BIRC6: variants seen among roughly 807,000 people sequenced by gnomAD.
BIRC6 encodes the protein dual E2 ubiquitin-conjugating enzyme/E3 ubiquitin-protein ligase BIRC6.
A neutral mutation model predicts 503.3 loss-of-function variants in BIRC6; 98 were observed. That is an observed-to-expected ratio of 0.19 (90% CI 0.17 to 0.23). BIRC6 has a LOEUF of 0.23. BIRC6 is among the 10% of genes least tolerant of loss of function. The pLI is 1.00. For synonymous variants in BIRC6, 2,240 were observed against 2,078.7 expected (o/e 1.08, Z -2.11); for missense variants, 5,360 against 5,806.0 (o/e 0.92, Z 2.50).
intron 57 of BIRC6, among the ~76,000 whole-genome samples, chr2:32,519,769 C>T (rs1416654435): frequency 1.3e-5 from 2 of 152,152 alleles, no homozygotes; most frequent in Non-Finnish European, 2.9e-5. Context: ...CCGCCCACCT[C>T]GGCCTCCCAA....
At chr2:32,573,778 A>C (rs2060074771) in intron 65 of BIRC6, among the ~76,000 whole-genome samples, 1 of 152,204 alleles carries the variant, frequency 6.6e-6, no homozygotes, top group Admixed American at 6.5e-5. Flanking sequence ...GATTTATTGA[A>C]ATAGACTCTG....
intron 62 of BIRC6, among the ~76,000 whole-genome samples, chr2:32,545,188 C>T (rs989455819): frequency 1.3e-5 from 2 of 152,228 alleles, no homozygotes; most frequent in East Asian, 3.9e-4. Flanking sequence ...GCTTTCTTTG[C>T]ATTTAATACC....
chr2:32,541,087 A>G (rs1438208411), intron 61 of BIRC6, among the ~76,000 whole-genome samples: 1 of 152,012 alleles, frequency 6.6e-6, no homozygotes, highest in Non-Finnish European at 1.5e-5. Flanking sequence ...GTTTTGTGGC[A>G]TCATATGAGA....
At chr2:32,501,551 T>C (rs898128279) in intron 46 of BIRC6, among the ~76,000 whole-genome samples, 162 bp from the exon 47 acceptor site, 1 of 152,174 alleles carries the variant, frequency 6.6e-6, no homozygotes, top group Non-Finnish European at 1.5e-5. Flanking sequence ...TTCTATATTT[T>C]AATTATTATT....
At chr2:32,543,568 A>G in intron 62 of BIRC6, 27 bp downstream of exon 62, 1 of 1,597,710 alleles carries the variant, frequency 6.3e-7, no homozygotes, top group South Asian at 1.1e-5. Context: ...AAATTTATCA[A>G]CACATATGTG....
Position 32,465,095 on chromosome 2 carries a change from A to G in BIRC6, c.5287A>G (p.Ile1763Val), listed in dbSNP as rs767060649. ...NPLGSGLALA[I>V]SHASHFLQPP... ...ACTTGGTTCTGGTCTAGCCCTTGCA[A>G]TTTCTCATGCTTCACATTTTCTTCA... The change falls in exon 26 of 74, where the codon ATT becomes GTT. Residue 1763 changes from isoleucine to valine, a missense_variant. Transcript: ENST00000421745. 6 of 1,606,318 alleles carry G rather than the reference A, an allele frequency of 3.7e-6. No homozygotes were observed. Among genetic ancestry groups the G allele is most frequent in the Admixed American group, 1.7e-5 (1 of 59,494 alleles).
intron 3 of BIRC6, among the ~76,000 whole-genome samples, chr2:32,385,680 C>G (rs931317685): frequency 6.6e-6 from 1 of 152,190 alleles, no homozygotes; most frequent in Admixed American, 6.5e-5. Flanking sequence ...TGAAAGTGCT[C>G]TTAAGGTAAA....
At chr2:32,432,358 T>C (rs1407930869) in intron 12 of BIRC6, among the ~76,000 whole-genome samples, 3 of 152,108 alleles carry the variant, frequency 2.0e-5, no homozygotes, top group Admixed American at 6.5e-5. Context: ...GAGGCTGCAG[T>C]AAGCCAAGAT....
At chr2:32,413,715 GA>G (rs919447207) in intron 9 of BIRC6, among the ~76,000 whole-genome samples, 7 of 146,546 alleles carry the variant, frequency 4.8e-5, no homozygotes, top group African/African-American at 1.3e-4. Context: ...AAAAAAAAAA[GA>G]AAAAAAACAG....
chr2:32,432,187 A>G (rs1016337271), intron 12 of BIRC6, among the ~76,000 whole-genome samples: 9 of 152,118 alleles, frequency 5.9e-5, no homozygotes, highest in Non-Finnish European at 1.2e-4. Context: ...AAGCCAAGGC[A>G]GGTAAATCAG....
chr2:32,520,599 C>A (rs1301701206), intron 57 of BIRC6, among the ~76,000 whole-genome samples: 1 of 152,158 alleles, frequency 6.6e-6, no homozygotes, highest in Non-Finnish European at 1.5e-5. Flanking sequence ...AGGTGGATCA[C>A]CTCAGGTCAG....
intron 45 of BIRC6, among the ~76,000 whole-genome samples, chr2:32,496,679 T>A (rs1324357591): frequency 7.9e-5 from 12 of 152,240 alleles, no homozygotes. Context: ...TTGGCTGTTT[T>A]AATTCCATTC....
chr2:32,525,754 C>T, intron 59 of BIRC6, 126 bp downstream of exon 59: 1 of 879,380 alleles, frequency 1.1e-6, no homozygotes, highest in Non-Finnish European at 1.7e-6. Context: ...GTTAGTGAGA[C>T]TTCTTCCATA....
intron 43 of BIRC6, 146 bp downstream of exon 43, chr2:32,490,297 C>A: frequency 1.5e-6 from 1 of 664,150 alleles, no homozygotes; most frequent in East Asian, 2.8e-5. Flanking sequence ...CCTGTAAACC[C>A]AGCACTTTGG....
chr2:32,615,872 A>C (rs549227208), intron 73 of BIRC6, among the ~76,000 whole-genome samples: 1 of 152,190 alleles, frequency 6.6e-6, no homozygotes, highest in South Asian at 2.1e-4. Context: ...TGACCTCGTG[A>C]TCTGCCCGCC....
chr2:32,441,727 TCTATAGTCC>T (rs1288784529), intron 17 of BIRC6, among the ~76,000 whole-genome samples: 1 of 152,232 alleles, frequency 6.6e-6, no homozygotes, highest in East Asian at 1.9e-4. Flanking sequence ...GGAGCATGTA[TCTATAGTCC>T]TAGCTACTCA....
Position 32,406,480 on chromosome 2 carries a change from C to A in BIRC6, c.1419-19C>A. On this transcript the variant is annotated intron_variant, in intron 8 of 73. Transcript: ENST00000421745. ...CTTTTTTTGAAATTCAAATTGTTTA[C>A]TTTGTTTTTTGATTTAAGTGATGAT... 6.3e-7 allele frequency: 1 copy of A among 1,584,298 alleles called. No homozygotes were observed. Among genetic ancestry groups the A allele is most frequent in the African/African-American group, 1.4e-5 (1 of 74,068 alleles).
intron 73 of BIRC6, among the ~76,000 whole-genome samples, chr2:32,613,528 C>T (rs374330280): frequency 1.3e-5 from 2 of 152,110 alleles, no homozygotes; most frequent in African/African-American, 4.8e-5. Flanking sequence ...TTACAGTCAC[C>T]TGCCATCATG....
At chr2:32,424,740 T>G (rs538378058) in intron 10 of BIRC6, among the ~76,000 whole-genome samples, 1 of 152,284 alleles carries the variant, frequency 6.6e-6, no homozygotes, top group East Asian at 1.9e-4. Context: ...CTCCAACTCC[T>G]GACCTCAGGT....
Sources: gnomAD v4.1 joint callset for allele counts (sites outside exome capture counted in the v4.1 genomes callset) on GRCh38, gnomAD v4.1.1 for gene constraint, MANE v1.5 for transcripts, NCBI Gene and HGNC (gene_info 2026-07-23, HGNC 2026-07-21) for gene names.